RFX1: variants seen among roughly 807,000 people sequenced by gnomAD.
RFX1 encodes MHC class II regulatory factor RFX1.
RFX1 carries 42 observed loss-of-function variants against 119.6 expected under a neutral mutation model. The ratio of observed to expected loss-of-function variants is 0.35; its 90% CI spans 0.27 to 0.45. RFX1 has a LOEUF of 0.45. Among genes scored for constraint, RFX1 ranks in the 20% least tolerant of loss-of-function variants. The probability of loss-of-function intolerance (pLI) is 1.00; values close to 1 mark genes in which losing one functional copy is unlikely to be tolerated. For synonymous variants in RFX1, 628 were observed against 618.5 expected (o/e 1.02, Z -0.23); for missense variants, 1,118 against 1,368.1 (o/e 0.82, Z 2.88).
intron 2 of RFX1, among the ~76,000 whole-genome samples, chr19:13,991,896 A>C (rs1296739790): frequency 1.3e-5 from 2 of 152,008 alleles, no homozygotes. Flanking sequence ...TCCTGACCTC[A>C]AGTGATCCAC....
chr19:13,982,028 G>A lies in RFX1; in HGVS notation c.621+93C>T, dbSNP rs1974443957. ...TTTGGAGGAGCAAGTGGGCTTGGGG[G>A]GCGGGGCAGGGAGCCCCAAATATAC... On this transcript the variant is annotated intron_variant, in intron 5 of 20. Transcript: ENST00000254325. 8.1e-6 allele frequency: 4 copies of A among 492,058 alleles called. No individual in the cohort carries two copies. In the South Asian group the frequency reaches 4.1e-4, roughly 51 times the overall value. The allele number at this position is 492,058 out of a possible 1,614,324, so 30.5% of individuals were successfully genotyped here. A position where few individuals can be genotyped will look rare whatever the true frequency, so the allele number is the denominator to read the frequency against.
At chr19:13,994,205 C>G (rs1029814174) in intron 1 of RFX1, among the ~76,000 whole-genome samples, 1 of 152,070 alleles carries the variant, frequency 6.6e-6, no homozygotes, top group African/African-American at 2.4e-5. Context: ...GATCGCATTT[C>G]CCCACACTGC....
intron 1 of RFX1, among the ~76,000 whole-genome samples, chr19:13,999,693 G>C (rs1441836125): frequency 6.9e-6 from 1 of 144,392 alleles, no homozygotes; most frequent in South Asian, 2.2e-4. Flanking sequence ...TTTTGTTTTT[G>C]AGGCAAAGTT....
rs367893141 is a variant in RFX1 at position 13,980,527 on chromosome 19, T to A, written c.738+46A>T. On this transcript the variant is annotated intron_variant, in intron 6 of 20. Coordinates refer to ENST00000254325, the MANE Select transcript of RFX1 (RefSeq NM_002918.5). The surrounding 1 kb of genome is among the most constrained non-coding windows in gnomAD (Gnocchi z 5.1). ...GCCGTGGGGGGCTGCAGAGGCTGCC[T>A]GGCCGGTACCCCTGGACCGAGCCAC... 1.2e-3 allele frequency: 1,511 copies of A among 1,285,770 alleles called. 13 individuals are homozygous for A. In the African/African-American group the frequency reaches 0.02, roughly 17 times the overall value. The allele number at this position is 1,285,770 out of a possible 1,614,324, so 79.6% of individuals were successfully genotyped here.
rs1366811592 is a variant in RFX1 at position 13,980,175 on chromosome 19, G to A, written c.738+398C>T. Among the ~76,000 whole-genome samples the A allele has an allele frequency of 6.6e-6, 1 of 152,164 alleles. No homozygotes were observed. Among genetic ancestry groups the A allele is most frequent in the Non-Finnish European group, 1.5e-5 (1 of 68,014 alleles). On this transcript the variant is annotated intron_variant, in intron 6 of 20. Coordinates refer to ENST00000254325, the MANE Select transcript of RFX1 (RefSeq NM_002918.5). This position sits in a 1 kb window ranked among gnomAD's most constrained non-coding sequence, Gnocchi z 5.1. The stretch of plus-strand genomic sequence containing the variant: ...GCATCTTAACCTGCGCCGGCTCAGG[G>A]CTCTGCCTCCTGCAGAGGCTGGGTG...
Position 13,963,045 on chromosome 19 carries a change from G to A in RFX1, c.2725-6C>T, listed in dbSNP as rs1973758932. 6.4e-7 allele frequency: 1 copy of A among 1,571,704 alleles called. No homozygotes were observed. Among genetic ancestry groups the A allele is most frequent in the Non-Finnish European group, 8.6e-7 (1 of 1,158,034 alleles). On this transcript the variant is annotated splice_region_variant and splice_polypyrimidine_tract_variant and intron_variant, in intron 19 of 20. Transcript: ENST00000254325. Reference sequence around the variant, plus strand: ...GAGGTGGCCAGATTGGCGAACTGGAGGAAGAAGAGAAGAAAATGGGTGAGG... The same window carrying A: ...GAGGTGGCCAGATTGGCGAACTGGAAGAAGAAGAGAAGAAAATGGGTGAGG...
At position 13,970,154 on chromosome 19, in the gene RFX1, A is replaced by G; in HGVS notation, c.1336T>C (p.Tyr446His). Residue 446 changes from tyrosine to histidine, a missense_variant, in exon 10 of 21, where the codon TAT becomes CAT. Around this residue, in one of 5 missense-constraint regions of RFX1, gnomAD observed 338 missense variants for 508.9 expected, o/e 0.66. Coordinates refer to ENST00000254325, the MANE Select transcript of RFX1 (RefSeq NM_002918.5). ...PATVQWLLDN[Y>H]ETAEGVSLPR... is the part of the protein sequence containing the mutation. ...AGACTCACGCCCTCAGCCGTCTCAT[A>G]GTTGTCCAGGAGCCACTGGACCTGG... The G allele has an allele frequency of 6.2e-7, 1 of 1,611,850 alleles. No homozygotes were observed. Among genetic ancestry groups the G allele is most frequent in the South Asian group, 1.1e-5 (1 of 90,958 alleles).
At chr19:14,004,950 C>A (rs906421771) in intron 1 of RFX1, among the ~76,000 whole-genome samples, 1 of 152,212 alleles carries the variant, frequency 6.6e-6, no homozygotes, top group African/African-American at 2.4e-5. Context: ...ACCGCTCCTG[C>A]CCACGTGGCC....
Position 13,966,390 on chromosome 19 carries a change from C to T in RFX1, c.1961+31G>A, listed in dbSNP as rs1262607546. The T allele has an allele frequency of 6.9e-7, 1 of 1,447,534 alleles. No homozygotes were observed. Among genetic ancestry groups the T allele is most frequent in the Admixed American group, 1.7e-5 (1 of 59,642 alleles). The allele number at this position is 1,447,534 out of a possible 1,614,324, so 89.7% of individuals were successfully genotyped here. On this transcript the variant is annotated intron_variant, in intron 14 of 20. Coordinates refer to ENST00000254325, the MANE Select transcript of RFX1 (RefSeq NM_002918.5). This position sits in a 1 kb window ranked among gnomAD's most constrained non-coding sequence, Gnocchi z 6.3. The stretch of plus-strand genomic sequence containing the variant: ...TGCGGGTCATGCCCTCCTCCCCCCT[C>T]TCCCTCCCACAGTCGCCGGGCAGTA...
intron 3 of RFX1, 32 bp downstream of exon 3, chr19:13,983,454 C>G (rs531039226): frequency 1.3e-6 from 2 of 1,540,206 alleles, no homozygotes; most frequent in East Asian, 2.3e-5. Context: ...CTCCCGGGCC[C>G]TCCCCCACCC....
intron 8 of RFX1, among the ~76,000 whole-genome samples, chr19:13,976,799 G>A (rs752012182): frequency 3.9e-4 from 59 of 151,972 alleles, no homozygotes; most frequent in Admixed American, 6.6e-5. Flanking sequence ...CCAAGAGTTC[G>A]AGGAGATGAG....
intron 1 of RFX1, among the ~76,000 whole-genome samples, chr19:13,999,425 A>C (rs966801000): frequency 4.6e-5 from 7 of 152,214 alleles, no homozygotes; most frequent in African/African-American, 1.4e-4. Context: ...TAGTCTCTGC[A>C]GCAGCTGTTC....
chr19:13,962,916 G>T, intron 20 of RFX1, 52 bp from the exon 21 acceptor site: 1 of 1,543,430 alleles, frequency 6.5e-7, no homozygotes, highest in Non-Finnish European at 8.8e-7. Context: ...ACGCCCCCGG[G>T]CTCCTCCTCC....
intron 16 of RFX1, among the ~76,000 whole-genome samples, chr19:13,964,792 C>G (rs571077713): frequency 5.3e-5 from 8 of 152,208 alleles, no homozygotes; most frequent in African/African-American, 1.9e-4. Context: ...CATTTTCTTT[C>G]GTACCCTGGA....
At chr19:13,981,281 C>G (rs1168547425) in intron 5 of RFX1, among the ~76,000 whole-genome samples, 1 of 152,190 alleles carries the variant, frequency 6.6e-6, no homozygotes, top group Admixed American at 6.5e-5. Flanking sequence ...TTGTTTGACA[C>G]AGAGAAAACT....
chr19:13,979,055 T>C (rs1974347436), intron 7 of RFX1, among the ~76,000 whole-genome samples: 1 of 151,584 alleles, frequency 6.6e-6, no homozygotes, highest in Non-Finnish European at 1.5e-5. Flanking sequence ...TCTGCCTTCC[T>C]AGCGGGAAAC....
At position 13,965,815 on chromosome 19, in the gene RFX1, T is replaced by G; in HGVS notation, c.1962-38A>C. ...ACCCCACCCCGGGTCACTGGGGTACTCTATGGTCCTGCCCCCATCGTCAGA... is the reference window on the plus strand; with the variant it reads ...ACCCCACCCCGGGTCACTGGGGTACGCTATGGTCCTGCCCCCATCGTCAGA... On this transcript the variant is annotated intron_variant, in intron 14 of 20. Coordinates refer to ENST00000254325, the MANE Select transcript of RFX1 (RefSeq NM_002918.5). This position sits in a 1 kb window ranked among gnomAD's most constrained non-coding sequence, Gnocchi z 4.7. 1 of 1,606,182 alleles carries G rather than the reference T, an allele frequency of 6.2e-7. No individual in the cohort carries two copies. The highest frequency in any genetic ancestry group is 8.5e-7 in the Non-Finnish European group (1 of 1,176,416).
chr19:13,989,631 G>A (rs1974737109), intron 2 of RFX1, among the ~76,000 whole-genome samples: 1 of 152,036 alleles, frequency 6.6e-6, no homozygotes, highest in Admixed American at 6.6e-5. Flanking sequence ...GTCCTTTTTT[G>A]TCAGGTATCG....
At chr19:13,981,824 G>A (rs1460313675) in intron 5 of RFX1, among the ~76,000 whole-genome samples, 1 of 152,244 alleles carries the variant, frequency 6.6e-6, no homozygotes, top group East Asian at 1.9e-4. Flanking sequence ...TTCTCGGAAT[G>A]CAGTTCCCTG....
Sources: allele counts gnomAD v4.1 joint callset (sites outside exome capture counted in the v4.1 genomes callset), GRCh38; gene constraint gnomAD v4.1.1; regional missense constraint gnomAD v4.1.1; non-coding constraint Gnocchi (gnomAD v3.1); transcripts MANE v1.5; gene names NCBI Gene and HGNC (gene_info 2026-07-23, HGNC 2026-07-21).